TEDC1: variants seen among roughly 807,000 people sequenced by gnomAD.
TEDC1 encodes the protein tubulin epsilon and delta complex protein 1.
Under a neutral mutation model 59.9 loss-of-function variants are expected in TEDC1, and 54 were observed. That is an observed-to-expected ratio of 0.90 (90% CI 0.72 to 1.13). TEDC1 has a LOEUF of 1.13. Among genes scored for constraint, TEDC1 ranks in the 50% most tolerant of loss-of-function variants. The pLI, the probability that TEDC1 is intolerant of heterozygous loss-of-function variation, is 0.00. For synonymous variants in TEDC1, 353 were observed against 298.1 expected (o/e 1.18, Z -1.90); for missense variants, 734 against 683.4 (o/e 1.07, Z -0.83).
chr14:105,496,146 G>GGGGGGGGGGGGGGGGGCCCCCCCCC, intron 6 of TEDC1, 60 bp downstream of exon 6: 1 of 331,608 alleles, frequency 3.0e-6, no homozygotes, highest in Non-Finnish European at 5.9e-6. Context: ...GGGTGGGAGG[G>GGGGGGGGGGGGGGGGGCCCCCCCCC]GGTGGCGAGG....
At position 105,491,322 on chromosome 14, in the gene TEDC1, A is replaced by G. The variant is rs1159687379; in HGVS notation, c.-54A>G. 3.4e-6 allele frequency: 5 copies of G among 1,476,930 alleles called. No homozygotes were observed. The Admixed American group carries it at 1.1e-4, about 33-fold the overall frequency. The allele number at this position is 1,476,930 out of a possible 1,614,324, so 91.5% of individuals were successfully genotyped here. A position where few individuals can be genotyped will look rare whatever the true frequency, so the allele number is the denominator to read the frequency against. On this transcript the variant is annotated 5_prime_UTR_variant, in exon 1 of 9. Coordinates refer to ENST00000392523, the MANE Select transcript of TEDC1 (RefSeq NM_001367178.1). Reference sequence around the variant, plus strand: ...CCCGGCCCGTGCGGTGATTGGACGCAGGCCCCGGGCCGCGGCGGAGGCGGG... The same window carrying G: ...CCCGGCCCGTGCGGTGATTGGACGCGGGCCCCGGGCCGCGGCGGAGGCGGG...
chr14:105,497,483 C>T lies in TEDC1; in HGVS notation c.978+40C>T, dbSNP rs201905713. ...GCATCCCTCTCCCGGCATCCCTTCC[C>T]ACAGCAGCCCCCAGGTGGGGCATTC... On this transcript the variant is annotated intron_variant, in intron 7 of 8. Coordinates refer to ENST00000392523, the MANE Select transcript of TEDC1 (RefSeq NM_001367178.1). 7.3e-5 allele frequency: 112 copies of T among 1,532,896 alleles called. No individual in the cohort carries two copies. In the African/African-American group the frequency reaches 1.4e-3, roughly 19 times the overall value. 95.0% of individuals were successfully genotyped at this position (1,532,896 alleles called of 1,614,324 possible).
At position 105,491,612 on chromosome 14, in the gene TEDC1, T is replaced by C; in HGVS notation, c.148-10T>C. On this transcript the variant is annotated splice_polypyrimidine_tract_variant and intron_variant, in intron 1 of 8. Coordinates refer to ENST00000392523, the MANE Select transcript of TEDC1 (RefSeq NM_001367178.1). ...GGCTCCGCTGACCGCCCGCTTTTTATTTTCCGCAGACCTCCGCGCTCTGGC... is the reference window on the plus strand; with the variant it reads ...GGCTCCGCTGACCGCCCGCTTTTTACTTTCCGCAGACCTCCGCGCTCTGGC... 1.9e-6 allele frequency: 3 copies of C among 1,549,494 alleles called. No individual in the cohort carries two copies. Among genetic ancestry groups the C allele is most frequent in the Non-Finnish European group, 2.6e-6 (3 of 1,146,734 alleles).
rs1555439198 is a variant in TEDC1 at position 105,491,353 on chromosome 14, C to T, written c.-23C>T. The T allele has an allele frequency of 6.9e-7, 1 of 1,459,130 alleles. No individual in the cohort carries two copies. Among genetic ancestry groups the T allele is most frequent in the South Asian group, 1.4e-5 (1 of 71,894 alleles). 90.4% of individuals were successfully genotyped at this position (1,459,130 alleles called of 1,614,324 possible). A position where few individuals can be genotyped will look rare whatever the true frequency, so the allele number is the denominator to read the frequency against. Reference sequence around the variant, plus strand: ...CGGGCCGCGGCGGAGGCGGGCGATCCGAAAGAGGCTGGTGCTGGCTGCATG... The same window carrying T: ...CGGGCCGCGGCGGAGGCGGGCGATCTGAAAGAGGCTGGTGCTGGCTGCATG... On this transcript the variant is annotated 5_prime_UTR_variant, in exon 1 of 9. Coordinates refer to ENST00000392523, the MANE Select transcript of TEDC1 (RefSeq NM_001367178.1).
At position 105,491,305 on chromosome 14, in the gene TEDC1, G is replaced by T; in HGVS notation, c.-71G>T. 1.5e-5 allele frequency: 22 copies of T among 1,492,914 alleles called. No homozygotes were observed. Among genetic ancestry groups the T allele is most frequent in the Non-Finnish European group, 1.8e-5 (20 of 1,123,988 alleles). The allele number at this position is 1,492,914 out of a possible 1,614,324, so 92.5% of individuals were successfully genotyped here. A position where few individuals can be genotyped will look rare whatever the true frequency, so the allele number is the denominator to read the frequency against. Reference sequence around the variant, plus strand: ...CCAGCCGCCGCACTAAACCCGGCCCGTGCGGTGATTGGACGCAGGCCCCGG... The same window carrying T: ...CCAGCCGCCGCACTAAACCCGGCCCTTGCGGTGATTGGACGCAGGCCCCGG... On this transcript the variant is annotated 5_prime_UTR_variant, in exon 1 of 9. Coordinates refer to ENST00000392523, the MANE Select transcript of TEDC1 (RefSeq NM_001367178.1).
intron 2 of TEDC1, among the ~76,000 whole-genome samples, chr14:105,491,902 G>C (rs1555439471): frequency 6.6e-6 from 1 of 152,218 alleles, no homozygotes; most frequent in Admixed American, 6.5e-5. Flanking sequence ...GGTAGCACTG[G>C]CTTCTGCTCC....
At chr14:105,493,081 G>A (rs61067308) in intron 4 of TEDC1, among the ~76,000 whole-genome samples, 1 of 152,110 alleles carries the variant, frequency 6.6e-6, no homozygotes, top group African/African-American at 2.4e-5. Flanking sequence ...GGGCACTGGA[G>A]GGGGAGGAAG....
Position 105,492,172 on chromosome 14 carries a change from CA to C in TEDC1, c.294del (p.Gln98HisfsTer42), listed in dbSNP as rs1567072515. On this transcript the variant is annotated frameshift_variant, in exon 3 of 9. Coordinates refer to ENST00000392523, the MANE Select transcript of TEDC1 (RefSeq NM_001367178.1). LOFTEE classifies it high-confidence loss of function. ...SQGYPRLALA[Q>X]LPEDGSQGSR... is the part of the protein sequence containing the mutation. ...GGGCTACCCGAGGCTGGCACTGGCA[CA>C]ACTACCTGAGGATGGCTCGCAGGGC... 6.2e-7 allele frequency: 1 copy of C among 1,613,058 alleles called. No homozygotes were observed. Among genetic ancestry groups the C allele is most frequent in the African/African-American group, 1.3e-5 (1 of 75,056 alleles).
chr14:105,493,803 A>G (rs782719867), intron 4 of TEDC1, 32 bp from the exon 5 acceptor site: 3 of 1,539,154 alleles, frequency 1.9e-6, no homozygotes, highest in South Asian at 2.3e-5. Flanking sequence ...CTTGACTGCC[A>G]CTCAGCCTGG....
intron 5 of TEDC1, 75 bp from the exon 6 acceptor site, chr14:105,495,805 A>C (rs1595476127): frequency 2.4e-6 from 3 of 1,233,232 alleles, no homozygotes; most frequent in East Asian, 5.1e-5. Context: ...CCTGGAAGTG[A>C]GGCCCCGCCC....
Position 105,498,634 on chromosome 14 carries a change from G to A in TEDC1, c.1176G>A (p.Arg392=). ...CCACGCAGGCTGGAGGCTGTGGACG[G>A]GGGCCAGAGTGGAGTGCCGCGCGGC... ...AWEAKAGGCG[R]GPEWSAARRA... is the part of the protein sequence containing the mutation. Residue 392 remains arginine, a synonymous_variant, in exon 9 of 9, where the codon CGG becomes CGA. Transcript: ENST00000392523. 1 of 1,549,228 alleles carries A rather than the reference G, an allele frequency of 6.5e-7. No homozygotes were observed. Among genetic ancestry groups the A allele is most frequent in the Non-Finnish European group, 8.7e-7 (1 of 1,145,970 alleles).
At chr14:105,495,802 G>A (rs587601200) in intron 5 of TEDC1, 78 bp from the exon 6 acceptor site, 23 of 1,207,510 alleles carry the variant, frequency 1.9e-5, no homozygotes, top group African/African-American at 1.7e-4. Context: ...GGGCCTGGAA[G>A]TGAGGCCCCG....
chr14:105,496,154 A>AGGGGGG, intron 6 of TEDC1, 68 bp downstream of exon 6: 1 of 80,026 alleles, frequency 1.2e-5, no homozygotes, highest in Non-Finnish European at 2.4e-5. Flanking sequence ...GGGGGTGGCG[A>AGGGGGG]GGGGGTGTGT....
At chr14:105,493,204 T>C (rs1567073434) in intron 4 of TEDC1, among the ~76,000 whole-genome samples, 1 of 152,040 alleles carries the variant, frequency 6.6e-6, no homozygotes, top group Non-Finnish European at 1.5e-5. Context: ...CCCAGTGGTG[T>C]GTCCACTGTG....
Position 105,499,063 on chromosome 14 carries a change from G to A in TEDC1, c.*117G>A, listed in dbSNP as rs1391353000. 1.7e-5 allele frequency: 19 copies of A among 1,131,282 alleles called. No homozygotes were observed. The highest frequency in any genetic ancestry group is 2.6e-5 in the East Asian group (1 of 38,732). 70.1% of individuals were successfully genotyped at this position (1,131,282 alleles called of 1,614,324 possible). ...GGGACGATGCAGATGCAGAGCCCAC[G>A]TCACATGCTCGCTCCAGGGGTGGGG... On this transcript the variant is annotated 3_prime_UTR_variant, in exon 9 of 9. Coordinates refer to ENST00000392523, the MANE Select transcript of TEDC1 (RefSeq NM_001367178.1).
chr14:105,492,958 A>G (rs587684242), intron 4 of TEDC1, among the ~76,000 whole-genome samples: 1 of 152,144 alleles, frequency 6.6e-6, no homozygotes, highest in East Asian at 1.9e-4. Flanking sequence ...GTGGGCAGAA[A>G]CGGGTGTCAG....
Position 105,498,897 on chromosome 14 carries a change from T to C in TEDC1, c.1439T>C (p.Leu480Pro). The C allele has an allele frequency of 6.2e-7, 1 of 1,611,538 alleles. No homozygotes were observed. The stretch of plus-strand genomic sequence containing the variant: ...CAGTGTCGGCAGGAACTGGCCAGGC[T>C]GGTGGGAGCCCGCCCTGGTCTCATC... ...QGQCRQELAR[L>P]VGARPGLIWI... is the part of the protein sequence containing the mutation. The change falls in exon 9 of 9, where the codon CTG (leucine) becomes CCG (proline). Residue 480 changes from leucine (L) to proline (P), a missense_variant. By Grantham distance (98) the Leu-to-Pro change is moderately conservative. Transcript: ENST00000392523.
rs1284865854 is a variant in TEDC1 at position 105,491,349 on chromosome 14, G to T, written c.-27G>T. The stretch of plus-strand genomic sequence containing the variant: ...GCCCCGGGCCGCGGCGGAGGCGGGC[G>T]ATCCGAAAGAGGCTGGTGCTGGCTG... On this transcript the variant is annotated 5_prime_UTR_variant, in exon 1 of 9. Transcript: ENST00000392523. 6.8e-6 allele frequency: 10 copies of T among 1,460,422 alleles called. No homozygotes were observed. The highest frequency in any genetic ancestry group is 9.0e-6 in the Non-Finnish European group (10 of 1,111,256). 90.5% of individuals were successfully genotyped at this position (1,460,422 alleles called of 1,614,324 possible).
rs587731267 is a variant in TEDC1 at position 105,492,915 on chromosome 14, G to C, written c.585+181G>C. ...TCCCGGTGGTCCTTGTAGGGGGCAG[G>C]GCTGGGCAGGGAGCCCAGTGGGGTG... On this transcript the variant is annotated intron_variant, in intron 4 of 8. Coordinates refer to ENST00000392523, the MANE Select transcript of TEDC1 (RefSeq NM_001367178.1). 6.6e-4 allele frequency among the ~76,000 whole-genome samples: 100 copies of C among 152,286 alleles called. 1 individual carries two copies. The highest frequency in any genetic ancestry group is 2.1e-3 in the African/African-American group (89 of 41,532).
Sources: allele counts gnomAD v4.1 joint callset (sites outside exome capture counted in the v4.1 genomes callset), GRCh38; gene constraint gnomAD v4.1.1; transcripts MANE v1.5; gene names NCBI Gene and HGNC (gene_info 2026-07-23, HGNC 2026-07-21).